The following GOLGA1 variants were observed in gnomAD, a reference collection of about 807,000 sequenced individuals.
GOLGA1 encodes golgin A1.
In GOLGA1, 63 loss-of-function variants were observed where a neutral mutation model predicts 119.7. The observed-to-expected ratio is 0.53, with a 90% confidence interval of 0.43 to 0.65. The LOEUF (loss-of-function observed/expected upper bound fraction) is 0.65, where lower values mean the gene tolerates loss of function less well. Ranked by LOEUF, GOLGA1 falls within the 30% of genes least tolerant of loss-of-function variation. The pLI, the probability that GOLGA1 is intolerant of heterozygous loss-of-function variation, is 0.00. For synonymous variants in GOLGA1, 318 were observed against 333.4 expected (o/e 0.95, Z 0.50); for missense variants, 798 against 912.8 (o/e 0.87, Z 1.62).
Position 124,881,686 on chromosome 9 carries a change from T to C in GOLGA1, c.2136+98A>G. On this transcript the variant is annotated intron_variant, in intron 21 of 22. Transcript: ENST00000373555. This position sits in a 1 kb window ranked among gnomAD's most constrained non-coding sequence, Gnocchi z 4.9. ...ACCACAAGGGCGTCAAACCAGGATG[T>C]ACGAGGAAAAGAGAGAAAGGGGCTG... 1.2e-6 allele frequency: 1 copy of C among 828,226 alleles called. No individual in the cohort carries two copies. Among genetic ancestry groups the C allele is most frequent in the Non-Finnish European group, 1.9e-6 (1 of 513,686 alleles). 51.3% of individuals were successfully genotyped at this position (828,226 alleles called of 1,614,324 possible). A position where few individuals can be genotyped will look rare whatever the true frequency, so the allele number is the denominator to read the frequency against.
At chr9:124,919,930 T>TA in intron 10 of GOLGA1, among the ~76,000 whole-genome samples, 1 of 151,580 alleles carries the variant, frequency 6.6e-6, no homozygotes, top group Admixed American at 6.6e-5. Flanking sequence ...CTACTTTATT[T>TA]TATTTATATT....
Position 124,888,244 on chromosome 9 carries a change from C to A in GOLGA1, c.1905+9G>T. On this transcript the variant is annotated intron_variant, in intron 19 of 22. Coordinates refer to ENST00000373555, the MANE Select transcript of GOLGA1 (RefSeq NM_002077.4). The surrounding 1 kb of genome is among the most constrained non-coding windows in gnomAD (Gnocchi z 4.4). ...GAGACAGAAACAGCCATGCAAAAGGCATCCTCACCTTATTTTTCTCCAGAA... is the reference window on the plus strand; with the variant it reads ...GAGACAGAAACAGCCATGCAAAAGGAATCCTCACCTTATTTTTCTCCAGAA... 6.2e-7 allele frequency: 1 copy of A among 1,613,444 alleles called. No homozygotes were observed. The highest frequency in any genetic ancestry group is 8.5e-7 in the Non-Finnish European group (1 of 1,179,380).
intron 12 of GOLGA1, among the ~76,000 whole-genome samples, chr9:124,901,165 G>C (rs1830096683): frequency 6.6e-6 from 1 of 151,562 alleles, no homozygotes; most frequent in South Asian, 2.1e-4. Flanking sequence ...TACAGACAGG[G>C]TTTCACTGTG....
chr9:124,884,693 G>C (rs1334739319), intron 19 of GOLGA1, among the ~76,000 whole-genome samples: 2 of 152,176 alleles, frequency 1.3e-5, no homozygotes, highest in Non-Finnish European at 2.9e-5. Flanking sequence ...TTGTAAAATG[G>C]CACCTTGTGG....
upstream of GOLGA1, chr9:124,945,490 G>C (rs1157883813): frequency 6.6e-6 from 1 of 152,192 alleles, no homozygotes; most frequent in African/African-American, 2.4e-5. Flanking sequence ...AGGAGGCGGA[G>C]GTTGCAGTGA....
At position 124,923,182 on chromosome 9, in the gene GOLGA1, G is replaced by A. The variant is rs771103322; in HGVS notation, c.474C>T (p.Asn158=). Reference sequence around the variant, plus strand: ...TCCTTTGGAAAAGATTCATACTCTGGTTCTTCATTTCCTGTAACTGGGCTG... The same window carrying A: ...TCCTTTGGAAAAGATTCATACTCTGATTCTTCATTTCCTGTAACTGGGCTG... The part of the protein sequence containing the change: ...ILTAQLQEMK[N]QSMNLFQRRD... The change falls in exon 8 of 23, where the codon AAC becomes AAT. Residue 158 remains asparagine (N), a synonymous_variant. Transcript: ENST00000373555. The A allele has an allele frequency of 2.5e-6, 4 of 1,596,404 alleles. No individual in the cohort carries two copies. The Admixed American group carries it at 5.1e-5, about 20-fold the overall frequency.
At chr9:124,907,926 T>C (rs1001902470) in intron 12 of GOLGA1, among the ~76,000 whole-genome samples, 6 of 152,170 alleles carry the variant, frequency 3.9e-5, no homozygotes, top group African/African-American at 1.4e-4. Context: ...GTTTTATGCA[T>C]GATCTGAGGT....
Position 124,912,002 on chromosome 9 carries a change from C to T in GOLGA1, c.868G>A (p.Glu290Lys). Residue 290 changes from glutamate (E) to lysine (K), a missense_variant, in exon 11 of 23, where the codon GAA becomes AAA. Glu to Lys is a moderately conservative substitution (Grantham distance 56, BLOSUM62 1). Transcript: ENST00000373555. ...QKVTAETQEK[E>K]DVITHLQEKV... is the part of the protein sequence containing the mutation. ...TCTTGCAAATGTGTGATAACGTCTT[C>T]TTTCTCTTGAGTTTCAGCAGTGACC... 1 of 1,613,492 alleles carries T rather than the reference C, an allele frequency of 6.2e-7. No individual in the cohort carries two copies. The highest frequency in any genetic ancestry group is 1.1e-5 in the South Asian group (1 of 91,062).
Position 124,890,482 on chromosome 9 carries a change from C to A in GOLGA1, c.1408-4G>T. The A allele has an allele frequency of 6.2e-7, 1 of 1,609,386 alleles. No homozygotes were observed. Among genetic ancestry groups the A allele is most frequent in the South Asian group, 1.1e-5 (1 of 90,990 alleles). ...TTTCTCTTTGGCTCCATTCTTCCTA[C>A]AATGCAGAAAACCACTGAGCCCCAA... On this transcript the variant is annotated splice_polypyrimidine_tract_variant and splice_region_variant and intron_variant, in intron 15 of 22. Transcript: ENST00000373555.
intron 19 of GOLGA1, among the ~76,000 whole-genome samples, chr9:124,885,539 T>TGAAGAGGCATGGA (rs1829702745): frequency 7.3e-6 from 1 of 136,202 alleles, no homozygotes; most frequent in Non-Finnish European, 1.6e-5. Context: ...TCAGAGGGTA[T>TGAAGAGGCATGGA]GAAGAGGCAT....
At chr9:124,890,092 T>C (rs151010067) in intron 16 of GOLGA1, among the ~76,000 whole-genome samples, 1 of 152,304 alleles carries the variant, frequency 6.6e-6, no homozygotes, top group East Asian at 1.9e-4. Context: ...TGGGCAATGA[T>C]AGGTCACCTC....
intron 3 of GOLGA1, among the ~76,000 whole-genome samples, chr9:124,935,890 G>A (rs1378206871): frequency 2.0e-5 from 3 of 152,074 alleles, no homozygotes; most frequent in African/African-American, 7.2e-5. Flanking sequence ...TTGGGAAGAT[G>A]AAGGTGCACA....
intron 19 of GOLGA1, among the ~76,000 whole-genome samples, chr9:124,886,529 G>A (rs1829723842): frequency 6.6e-6 from 1 of 152,164 alleles, no homozygotes; most frequent in African/African-American, 2.4e-5. Flanking sequence ...GAGAGAAGAG[G>A]AGTGGGAATG....
At position 124,921,893 on chromosome 9, in the gene GOLGA1, C is replaced by A. The variant is rs755637110; in HGVS notation, c.562-1G>T. 1 of 1,610,818 alleles carries A rather than the reference C, an allele frequency of 6.2e-7. No individual in the cohort carries two copies. Among genetic ancestry groups the A allele is most frequent in the East Asian group, 2.2e-5 (1 of 44,870 alleles). On this transcript the variant is annotated splice_acceptor_variant, in intron 8 of 22. Transcript: ENST00000373555. LOFTEE classifies it high-confidence loss of function. The stretch of plus-strand genomic sequence containing the variant: ...CTAGACTTTCTTCTTTTTTTAAAAG[C>A]TGACACAAAAATACAAAGTTTCATT...
In GOLGA1 at chr9:124,888,203, G is replaced by A. The variant is rs527804566; in HGVS notation, c.1905+50C>T. The stretch of plus-strand genomic sequence containing the variant: ...ATGGACTGGGTCATTTTAGGCCTGA[G>A]GGTGAGGACCTGGTGGAGACAGAAA... On this transcript the variant is annotated intron_variant, in intron 19 of 22. Transcript: ENST00000373555. The surrounding 1 kb of genome is among the most constrained non-coding windows in gnomAD (Gnocchi z 4.4). 1.0e-4 allele frequency: 159 copies of A among 1,577,842 alleles called. No homozygotes were observed. Among genetic ancestry groups the A allele is most frequent in the Admixed American group, 7.0e-4 (42 of 59,848 alleles).
chr9:124,923,919 G>C (rs1485831173), intron 7 of GOLGA1, among the ~76,000 whole-genome samples: 2 of 152,144 alleles, frequency 1.3e-5, no homozygotes, highest in East Asian at 1.9e-4. Flanking sequence ...GCAGTGGTGA[G>C]ATCTCAGCTT....
At chr9:124,934,757 T>C (rs1830832254) in intron 3 of GOLGA1, among the ~76,000 whole-genome samples, 1 of 152,108 alleles carries the variant, frequency 6.6e-6, no homozygotes, top group Non-Finnish European at 1.5e-5. Context: ...TTTAGAAAGA[T>C]CACTTTGGGC....
rs889403967 is a variant in GOLGA1, at chr9:124,884,764, C to G, written c.1906-2195G>C. 2.6e-5 allele frequency among the ~76,000 whole-genome samples: 4 copies of G among 152,302 alleles called. No homozygotes were observed. The South Asian group carries it at 8.3e-4, about 32-fold the overall frequency. On this transcript the variant is annotated intron_variant, in intron 19 of 22. Coordinates refer to ENST00000373555, the MANE Select transcript of GOLGA1 (RefSeq NM_002077.4). Reference sequence around the variant, plus strand: ...GGACACTGCCCCAAAAGTACATTGGCTACTTTATCTTACGTTATTTTGGTT... The same window carrying G: ...GGACACTGCCCCAAAAGTACATTGGGTACTTTATCTTACGTTATTTTGGTT...
intron 19 of GOLGA1, among the ~76,000 whole-genome samples, chr9:124,885,072 T>C (rs932039970): frequency 2.0e-5 from 3 of 152,114 alleles, no homozygotes; most frequent in Non-Finnish European, 4.4e-5. Context: ...CTCACGCCTG[T>C]AATCCCAGCA....
Sources: gnomAD v4.1 joint callset for allele counts (sites outside exome capture counted in the v4.1 genomes callset) on GRCh38, gnomAD v4.1.1 for gene constraint, Gnocchi (gnomAD v3.1) non-coding constraint, MANE v1.5 for transcripts, NCBI Gene and HGNC (gene_info 2026-07-23, HGNC 2026-07-21) for gene names.